Variants in MAML2 observed in about 807,000 individuals in gnomAD.
MAML2 encodes mastermind like transcriptional coactivator 2.
In MAML2, 22 loss-of-function variants were observed where a neutral mutation model predicts 96.1. The ratio of observed to expected loss-of-function variants is 0.23; its 90% CI spans 0.16 to 0.33. MAML2 has a LOEUF of 0.33. Among genes scored for constraint, MAML2 ranks in the 10% least tolerant of loss-of-function variants. The pLI, the probability that MAML2 is intolerant of heterozygous loss-of-function variation, is 1.00. For synonymous variants in MAML2, 561 were observed against 521.3 expected (o/e 1.08, Z -1.04); for missense variants, 1,367 against 1,392.4 (o/e 0.98, Z 0.29).
chr11:95,980,870 G>T (rs778104242), intron 4 of MAML2, among the ~76,000 whole-genome samples: 2 of 152,150 alleles, frequency 1.3e-5, no homozygotes, highest in Admixed American at 6.5e-5. Context: ...GGCAGACAAG[G>T]GTCTCCCCCA....
At chr11:96,029,853 TTTTTTG>T (rs1463010025) in intron 2 of MAML2, among the ~76,000 whole-genome samples, 22 of 152,094 alleles carry the variant, frequency 1.4e-4, no homozygotes, top group African/African-American at 5.1e-4. Context: ...TCAAACAGAG[TTTTTTG>T]TTTTTGTTTT....
At chr11:96,069,980 C>T (rs183927917) in intron 2 of MAML2, among the ~76,000 whole-genome samples, 86 of 151,130 alleles carry the variant, frequency 5.7e-4, no homozygotes, top group African/African-American at 2.0e-3. Flanking sequence ...GCCAAGATCA[C>T]GCCACTGTAC....
chr11:96,054,758 C>T (rs1454841127), intron 2 of MAML2, among the ~76,000 whole-genome samples: 2 of 152,070 alleles, frequency 1.3e-5, no homozygotes, highest in Non-Finnish European at 2.9e-5. Context: ...GTTATCATTT[C>T]TCAGAAGATG....
In MAML2 at chr11:96,065,051, T is replaced by C. The variant is rs143734220; in HGVS notation, c.2139+26841A>G. Among the ~76,000 whole-genome samples the C allele has an allele frequency of 1.3e-3, 199 of 152,334 alleles. 1 individual carries two copies. The highest frequency in any genetic ancestry group is 4.5e-3 in the African/African-American group (189 of 41,576). ...CTTAAAAAACTAGAAGGAATGTTTT[T>C]GTGTCAAAGTGGACAGAAAATAGCT... On this transcript the variant is annotated intron_variant, in intron 2 of 4. Coordinates refer to ENST00000524717, the MANE Select transcript of MAML2 (RefSeq NM_032427.4).
intron 2 of MAML2, among the ~76,000 whole-genome samples, chr11:96,013,036 T>C (rs1234999998): frequency 6.6e-6 from 1 of 152,176 alleles, no homozygotes; most frequent in Non-Finnish European, 1.5e-5. Context: ...GGGTTTTTAT[T>C]TTCTCTCTTT....
At chr11:96,031,336 T>C (rs750409305) in intron 2 of MAML2, among the ~76,000 whole-genome samples, 3 of 44,142 alleles carry the variant, frequency 6.8e-5, no homozygotes, top group Non-Finnish European at 1.7e-4. Flanking sequence ...TTTAACAGTT[T>C]GTGTGTGTGT....
chr11:96,338,320 G>T (rs1331416861), intron 1 of MAML2, among the ~76,000 whole-genome samples: 1 of 152,260 alleles, frequency 6.6e-6, no homozygotes, highest in East Asian at 1.9e-4. Context: ...GAAAGGCCCT[G>T]TTCCTGCAGA....
At chr11:96,188,583 C>A (rs1861607133) in intron 1 of MAML2, among the ~76,000 whole-genome samples, 1 of 151,956 alleles carries the variant, frequency 6.6e-6, no homozygotes, top group African/African-American at 2.4e-5. Context: ...AAAAGAAAAT[C>A]TTTTTGAAAA....
chr11:96,088,218 A>G (rs1855311372), intron 2 of MAML2, among the ~76,000 whole-genome samples: 2 of 152,308 alleles, frequency 1.3e-5, no homozygotes, highest in South Asian at 4.1e-4. Context: ...GAGGCAATGT[A>G]CAAATTTATG....
intron 1 of MAML2, among the ~76,000 whole-genome samples, chr11:96,118,690 G>C (rs80049001): frequency 6.6e-6 from 1 of 152,046 alleles, no homozygotes; most frequent in African/African-American, 2.4e-5. Context: ...ATGAAGGTAG[G>C]AACAATCTTC....
intron 1 of MAML2, among the ~76,000 whole-genome samples, chr11:96,145,314 G>A (rs745485021): frequency 9.9e-5 from 15 of 152,162 alleles, no homozygotes; most frequent in Non-Finnish European, 1.9e-4. Flanking sequence ...GTACCAACTC[G>A]TGGACAGTAG....
At chr11:96,018,249 G>A (rs1450869890) in intron 2 of MAML2, among the ~76,000 whole-genome samples, 1 of 152,154 alleles carries the variant, frequency 6.6e-6, no homozygotes, top group Non-Finnish European at 1.5e-5. Context: ...TTGGAAATAG[G>A]GAATTTAACC....
chr11:96,343,052 T>C lies in MAML2; in HGVS notation c.-1157A>G. ...TCCTGTATTTGCTCCGCTTTATAGA[T>C]GGAAAAAAAAAGTAGCTTGTATTTT... is the stretch of plus-strand genomic sequence containing the variant. On this transcript the variant is annotated 5_prime_UTR_variant, in exon 1 of 5. Coordinates refer to ENST00000524717, the MANE Select transcript of MAML2 (RefSeq NM_032427.4). 1 of 397,382 alleles carries C rather than the reference T, an allele frequency of 2.5e-6. No individual in the cohort carries two copies. The highest frequency in any genetic ancestry group is 4.4e-6 in the Non-Finnish European group (1 of 225,436). The allele number at this position is 397,382 out of a possible 1,614,324, so 24.6% of individuals were successfully genotyped here. A position where few individuals can be genotyped will look rare whatever the true frequency, so the allele number is the denominator to read the frequency against.
intron 1 of MAML2, among the ~76,000 whole-genome samples, chr11:96,215,980 G>A (rs1217238669): frequency 6.6e-6 from 1 of 152,032 alleles, no homozygotes; most frequent in East Asian, 1.9e-4. Context: ...AGGGGAACAA[G>A]TTTAAGGCTG....
intron 1 of MAML2, among the ~76,000 whole-genome samples, chr11:96,227,819 C>T (rs1004772623): frequency 3.3e-5 from 5 of 152,180 alleles, no homozygotes; most frequent in African/African-American, 1.2e-4. Context: ...ATTACAAACT[C>T]GGCCAGGTGC....
intron 1 of MAML2, among the ~76,000 whole-genome samples, chr11:96,337,313 A>C (rs1392960808): frequency 1.3e-5 from 2 of 152,200 alleles, no homozygotes; most frequent in African/African-American, 4.8e-5. Flanking sequence ...ACAGCTCTCA[A>C]CTTTTTAATT....
At chr11:96,325,559 T>A (rs1049593001) in intron 1 of MAML2, among the ~76,000 whole-genome samples, 2 of 152,178 alleles carry the variant, frequency 1.3e-5, no homozygotes, top group African/African-American at 4.8e-5. Context: ...CATATATTAT[T>A]ATTATGACCA....
chr11:96,268,814 A>G (rs2135978522), intron 1 of MAML2, among the ~76,000 whole-genome samples: 1 of 110,542 alleles, frequency 9.0e-6, no homozygotes, highest in African/African-American at 4.0e-5. Flanking sequence ...TTTGCTCCTC[A>G]TTTGCCTTCT....
chr11:96,044,766 G>C (rs764301445), intron 2 of MAML2, among the ~76,000 whole-genome samples: 10 of 152,222 alleles, frequency 6.6e-5, no homozygotes, highest in Non-Finnish European at 1.3e-4. Context: ...GTTCAGAGAT[G>C]AATCTGTCTC....
Sources: allele counts gnomAD v4.1 joint callset (sites outside exome capture counted in the v4.1 genomes callset), GRCh38; gene constraint gnomAD v4.1.1; transcripts MANE v1.5; gene names NCBI Gene and HGNC (gene_info 2026-07-23, HGNC 2026-07-21).